The following DMD variants were observed in gnomAD, a reference collection of about 807,000 sequenced individuals.
DMD encodes mutant dystrophin.
In DMD, 63 loss-of-function variants were observed where a neutral mutation model predicts 330.1. The ratio of observed to expected loss-of-function variants is 0.19; its 90% CI spans 0.16 to 0.24. The LOEUF is 0.24. Ranked by LOEUF, DMD falls within the 10% of genes least tolerant of loss-of-function variation. DMD has a pLI of 1.00. For synonymous variants in DMD, 1,223 were observed against 959.8 expected (o/e 1.27, Z -5.07); for missense variants, 3,344 against 2,684.1 (o/e 1.25, Z -5.43).
intron 21 of DMD, among the ~76,000 whole-genome samples, chrX:32,483,677 C>T (rs911662896): frequency 9.4e-6 from 1 of 106,491 alleles, no homozygotes; most frequent in Non-Finnish European, 1.9e-5. Context: ...AAATCTAGGA[C>T]ATTTAAAATA....
intron 44 of DMD, among the ~76,000 whole-genome samples, chrX:31,988,328 C>T (rs915930447): frequency 4.7e-5 from 5 of 107,085 alleles, no homozygotes; most frequent in Non-Finnish European, 7.7e-5. Flanking sequence ...CAAAAAATTA[C>T]CCGGACGTGG....
chrX:32,543,099 G>A (rs997877419), intron 17 of DMD, among the ~76,000 whole-genome samples: 1 of 111,703 alleles, frequency 9.0e-6, no homozygotes, highest in Non-Finnish European at 1.9e-5. Context: ...GGAGGTTACT[G>A]GGAAAAATAC....
At chrX:33,173,317 G>C (rs972131613) in intron 1 of DMD, among the ~76,000 whole-genome samples, 5 of 111,309 alleles carry the variant, frequency 4.5e-5, no homozygotes, top group Non-Finnish European at 9.4e-5. Context: ...CTAAAATCAT[G>C]AATTTATTGT....
chrX:32,994,650 A>G (rs2093067608), intron 2 of DMD, among the ~76,000 whole-genome samples: 1 of 111,580 alleles, frequency 9.0e-6, no homozygotes, highest in Non-Finnish European at 1.9e-5. Flanking sequence ...TATTTTCCAA[A>G]ATGACCATAC....
intron 61 of DMD, among the ~76,000 whole-genome samples, chrX:31,333,965 C>T (rs1307520501): frequency 9.2e-6 from 1 of 108,940 alleles, no homozygotes; most frequent in Non-Finnish European, 1.9e-5. Flanking sequence ...CAGAGTCTTG[C>T]TCCGTCACCC....
chrX:31,530,002 G>A (rs976840190), intron 55 of DMD, among the ~76,000 whole-genome samples: 2 of 111,192 alleles, frequency 1.8e-5, no homozygotes, highest in Admixed American at 9.5e-5. Context: ...TGCATCTGTC[G>A]GTAATGCAAA....
intron 9 of DMD, among the ~76,000 whole-genome samples, chrX:32,674,241 C>A (rs1423755597): frequency 9.0e-6 from 1 of 111,432 alleles, no homozygotes; most frequent in Non-Finnish European, 1.9e-5. Flanking sequence ...CAGTACTGGA[C>A]ATCAAATTTT....
chrX:32,698,964 G>C (rs866334551), intron 8 of DMD, 148 bp downstream of exon 8: 3 of 349,288 alleles, frequency 8.6e-6, no homozygotes, highest in Admixed American at 1.3e-4. Context: ...GGTTTAGTCT[G>C]TCTCTTTTTG....
intron 60 of DMD, among the ~76,000 whole-genome samples, chrX:31,370,552 A>C (rs2059501382): frequency 8.9e-6 from 1 of 112,577 alleles, no homozygotes; most frequent in Non-Finnish European, 1.9e-5. Flanking sequence ...ATGTTGGTGA[A>C]GATGCAGAGA....
chrX:31,374,675 G>A (rs183009413), intron 60 of DMD, among the ~76,000 whole-genome samples: 4,307 of 64,256 alleles, frequency 0.067, 542 homozygotes, highest in African/African-American at 0.25. Flanking sequence ...ACTGTTGTGG[G>A]GTGGGGGGAG....
chrX:31,852,847 TAGAA>T (rs1158922126), intron 48 of DMD, among the ~76,000 whole-genome samples: 1 of 112,436 alleles, frequency 8.9e-6, no homozygotes, highest in South Asian at 3.6e-4. Flanking sequence ...TATAGACTCA[TAGAA>T]AGAGTTAAAC....
intron 49 of DMD, among the ~76,000 whole-genome samples, chrX:31,824,365 G>A (rs1189145513): frequency 9.0e-6 from 1 of 110,659 alleles, no homozygotes; most frequent in Admixed American, 9.6e-5. Flanking sequence ...CTGGGTTCAA[G>A]TGATTCTCCT....
intron 2 of DMD, among the ~76,000 whole-genome samples, chrX:33,015,672 T>C (rs1410930858): frequency 4.5e-5 from 5 of 110,863 alleles, no homozygotes; most frequent in African/African-American, 1.3e-4. Flanking sequence ...AAATAAAAGT[T>C]AAAAAAAGAA....
intron 34 of DMD, among the ~76,000 whole-genome samples, chrX:32,373,752 G>A (rs1027428894): frequency 1.8e-5 from 2 of 111,426 alleles, no homozygotes; most frequent in Admixed American, 9.5e-5. Context: ...CTTCCTCTTG[G>A]TGAGAGAGTC....
intron 17 of DMD, among the ~76,000 whole-genome samples, chrX:32,530,260 G>C (rs2047356614): frequency 8.9e-6 from 1 of 112,105 alleles, no homozygotes; most frequent in Non-Finnish European, 1.9e-5. Context: ...ATGATTTAAT[G>C]TTTTAAGCTA....
Position 32,720,879 on chromosome X carries a change from A to T in DMD, c.650-21586T>A, listed in dbSNP as rs144914598. ...CATGTACACATTGACTTATTTCCTC[A>T]CCCTCACTACTCCTGGTAATCACCA... is the stretch of plus-strand genomic sequence containing the variant. On this transcript the variant is annotated intron_variant, in intron 7 of 78. Transcript: ENST00000357033. Among the ~76,000 whole-genome samples, 349 of 111,199 alleles carry T rather than the reference A, an allele frequency of 3.1e-3. 3 individuals are homozygous for T. The highest frequency in any genetic ancestry group is 0.011 in the African/African-American group (332 of 30,684).
rs773493591 is a variant in DMD at position 32,406,877 on chromosome X, C to G, written c.4233+4875G>C. 5.1e-3 allele frequency among the ~76,000 whole-genome samples: 568 copies of G among 110,896 alleles called. 5 individuals carry two copies. The highest frequency in any genetic ancestry group is 0.018 in the African/African-American group (546 of 30,522). ...CTCACAAAAACAAGAAATGGGGAAA[C>G]GATTCCCTATTTAATAAATGGTGCT... On this transcript the variant is annotated intron_variant, in intron 30 of 78. Coordinates refer to ENST00000357033, the MANE Select transcript of DMD (RefSeq NM_004006.3).
chrX:32,023,836 A>G (rs1244482618), intron 44 of DMD, among the ~76,000 whole-genome samples: 1 of 111,864 alleles, frequency 8.9e-6, no homozygotes, highest in African/African-American at 3.3e-5. Flanking sequence ...TAACGCAGGA[A>G]CAGACAACGA....
rs201952332 is a variant in DMD, at chrX:31,835,665, GTC to G, written c.7200+1051_7200+1052del. 4.6e-4 allele frequency among the ~76,000 whole-genome samples: 51 copies of G among 111,730 alleles called. No individual in the cohort carries two copies. The East Asian group carries it at 0.013, about 28-fold the overall frequency. On this transcript the variant is annotated intron_variant, in intron 49 of 78. Transcript: ENST00000357033. ...AAACTTCAACTCTACCTAAGGAAAA[GTC>G]TCTTGTAAGCTGTAAGGAAAACAAA...
Sources: allele counts gnomAD v4.1 joint callset (sites outside exome capture counted in the v4.1 genomes callset), GRCh38; gene constraint gnomAD v4.1.1; transcripts MANE v1.5; gene names NCBI Gene and HGNC (gene_info 2026-07-23, HGNC 2026-07-21).